SMYD3: variants seen among roughly 807,000 people sequenced by gnomAD.
The protein encoded by SMYD3 is histone-lysine N-methyltransferase SMYD3.
SMYD3 carries 36 observed loss-of-function variants against 57.7 expected under a neutral mutation model. The ratio of observed to expected loss-of-function variants is 0.62; its 90% CI spans 0.48 to 0.82. SMYD3 has a LOEUF of 0.82. SMYD3 is among the 40% of genes least tolerant of loss of function. SMYD3 has a pLI of 0.00. For synonymous variants in SMYD3, 211 were observed against 195.0 expected (o/e 1.08, Z -0.68); for missense variants, 515 against 538.8 (o/e 0.96, Z 0.44).
intron 5 of SMYD3, among the ~76,000 whole-genome samples, chr1:246,154,055 A>G (rs1326573387): frequency 6.6e-6 from 1 of 152,104 alleles, no homozygotes; most frequent in African/African-American, 2.4e-5. Context: ...CCTCTTCTAC[A>G]TTACTGTGGC....
intron 5 of SMYD3, among the ~76,000 whole-genome samples, chr1:246,141,669 T>A (rs1480557780): frequency 6.6e-6 from 1 of 152,148 alleles, no homozygotes; most frequent in South Asian, 2.1e-4. Flanking sequence ...ATGACTAACA[T>A]GCCAACGTAA....
intron 1 of SMYD3, among the ~76,000 whole-genome samples, chr1:246,410,667 C>G (rs999685902): frequency 1.1e-4 from 17 of 152,180 alleles, no homozygotes; most frequent in East Asian, 5.8e-4. Context: ...TTTGGTATCA[C>G]GATGATGATG....
intron 5 of SMYD3, chr1:246,035,640 G>A (rs749081319): frequency 7.9e-5 from 12 of 152,168 alleles, no homozygotes; most frequent in Non-Finnish European, 1.3e-4. Flanking sequence ...TGAGAACCTC[G>A]TCTTTGATTG....
At chr1:246,114,905 C>T (rs963597525) in intron 5 of SMYD3, among the ~76,000 whole-genome samples, 3 of 151,480 alleles carry the variant, frequency 2.0e-5, no homozygotes, top group Non-Finnish European at 4.4e-5. Context: ...ACTAGGATTA[C>T]AGGCGTGAGC....
chr1:246,363,053 G>A (rs1301863384), intron 1 of SMYD3, among the ~76,000 whole-genome samples: 4 of 151,568 alleles, frequency 2.6e-5, no homozygotes, highest in African/African-American at 9.7e-5. Context: ...TCTGAGATGT[G>A]GGGAGCGCCT....
At chr1:246,497,550 T>C (rs1396347724) in intron 1 of SMYD3, among the ~76,000 whole-genome samples, 1 of 152,176 alleles carries the variant, frequency 6.6e-6, no homozygotes, top group East Asian at 1.9e-4. Context: ...CAGATAGAAA[T>C]GGAAAATCAT....
At chr1:246,104,537 G>C (rs993265040) in intron 5 of SMYD3, among the ~76,000 whole-genome samples, 3 of 152,106 alleles carry the variant, frequency 2.0e-5, no homozygotes, top group Admixed American at 2.0e-4. Context: ...TGGCTGGTTC[G>C]GGTCTTGTCG....
Position 246,477,141 on chromosome 1 carries a change from T to C in SMYD3, c.164+29913A>G, listed in dbSNP as rs78097732. On this transcript the variant is annotated intron_variant, in intron 1 of 11. Transcript: ENST00000490107. ...ATTCCTATTAAACTTAAACCTCATT[T>C]CTCTTTCTCAAATTCAAGCTATTTC... Among the ~76,000 whole-genome samples, 776 of 152,318 alleles carry C rather than the reference T, an allele frequency of 5.1e-3. 5 individuals carry two copies. The highest frequency in any genetic ancestry group is 0.018 in the African/African-American group (736 of 41,578).
rs558574255 is a variant in SMYD3, at chr1:246,356,653, A to G, written c.165-1559T>C. 3.2e-4 allele frequency among the ~76,000 whole-genome samples: 49 copies of G among 152,316 alleles called. No homozygotes were observed. In the South Asian group the frequency reaches 3.5e-3, roughly 11 times the overall value. ...CTTAGAGAAATGCAAAATGCACTGGAAAGTCTCAGCAACAGAATCGAACAA... is the reference window on the plus strand; with the variant it reads ...CTTAGAGAAATGCAAAATGCACTGGGAAGTCTCAGCAACAGAATCGAACAA... On this transcript the variant is annotated intron_variant, in intron 1 of 11. Coordinates refer to ENST00000490107, the MANE Select transcript of SMYD3 (RefSeq NM_001167740.2).
chr1:245,891,648 A>G (rs2053392252), intron 8 of SMYD3, among the ~76,000 whole-genome samples: 1 of 152,238 alleles, frequency 6.6e-6, no homozygotes, highest in African/African-American at 2.4e-5. Context: ...GATGAAGGAC[A>G]GTGATATGCC....
chr1:246,230,855 G>C (rs2063398717), intron 5 of SMYD3, among the ~76,000 whole-genome samples: 1 of 152,188 alleles, frequency 6.6e-6, no homozygotes, highest in Admixed American at 6.6e-5. Flanking sequence ...AATTACTTAA[G>C]TAGTCAAATG....
intron 5 of SMYD3, among the ~76,000 whole-genome samples, chr1:246,147,435 G>T (rs2061867386): frequency 6.6e-6 from 1 of 152,156 alleles, no homozygotes; most frequent in Non-Finnish European, 1.5e-5. Flanking sequence ...GAATCAGGAC[G>T]TGCTCGGTGG....
chr1:246,241,942 C>T (rs188723252), intron 5 of SMYD3, among the ~76,000 whole-genome samples: 5 of 152,112 alleles, frequency 3.3e-5, no homozygotes, highest in African/African-American at 1.2e-4. Context: ...GGTGATACCC[C>T]CTTTATCATT....
intron 10 of SMYD3, among the ~76,000 whole-genome samples, chr1:245,812,522 G>A (rs914422007): frequency 2.6e-5 from 4 of 152,110 alleles, no homozygotes; most frequent in African/African-American, 9.7e-5. Context: ...CCTCCATTGT[G>A]ACCAACGTCA....
chr1:246,473,300 G>A (rs1009117161), intron 1 of SMYD3, among the ~76,000 whole-genome samples: 2 of 152,152 alleles, frequency 1.3e-5, no homozygotes, highest in African/African-American at 4.8e-5. Flanking sequence ...TCAGCAGTTT[G>A]AGTTCAGAAT....
chr1:246,056,217 C>T (rs1015494616), intron 5 of SMYD3, among the ~76,000 whole-genome samples: 1 of 152,002 alleles, frequency 6.6e-6, no homozygotes, highest in Non-Finnish European at 1.5e-5. Context: ...GAAAAAAAGA[C>T]ACTAGCAAAT....
At chr1:245,947,587 T>C (rs2057466736) in intron 5 of SMYD3, among the ~76,000 whole-genome samples, 1 of 152,070 alleles carries the variant, frequency 6.6e-6, no homozygotes, top group Admixed American at 6.6e-5. Context: ...CAGAAATAAA[T>C]TACCAGAATT....
At chr1:245,861,752 T>A (rs2148487836) in intron 9 of SMYD3, among the ~76,000 whole-genome samples, 1 of 152,368 alleles carries the variant, frequency 6.6e-6, no homozygotes, top group South Asian at 2.1e-4. Context: ...ATCTTTCAAC[T>A]TCCCAAAGTT....
intron 3 of SMYD3, 35 bp downstream of exon 3, chr1:246,335,331 CA>C (rs1229103310): frequency 6.3e-7 from 1 of 1,585,140 alleles, no homozygotes; most frequent in East Asian, 2.2e-5. Flanking sequence ...TTTATTTAAC[CA>C]AAACCCAGCT....
Sources: gnomAD v4.1 joint callset for allele counts (sites outside exome capture counted in the v4.1 genomes callset) on GRCh38, gnomAD v4.1.1 for gene constraint, MANE v1.5 for transcripts, NCBI Gene and HGNC (gene_info 2026-07-23, HGNC 2026-07-21) for gene names.